USP3: variants seen among roughly 807,000 people sequenced by gnomAD.
USP3 encodes the protein ubiquitin carboxyl-terminal hydrolase 3.
USP3 carries 20 observed loss-of-function variants against 72.3 expected under a neutral mutation model. The observed-to-expected ratio is 0.28, with a 90% CI of 0.19 to 0.40. The LOEUF (loss-of-function observed/expected upper bound fraction) is 0.40. USP3 is among the 10% of genes least tolerant of loss of function. The pLI, the probability that USP3 is intolerant of heterozygous loss-of-function variation, is 1.00. For synonymous variants in USP3, 222 were observed against 225.3 expected (o/e 0.99, Z 0.13); for missense variants, 479 against 633.9 (o/e 0.76, Z 2.62).
At chr15:63,582,938 T>C (rs2066989583) in intron 11 of USP3, among the ~76,000 whole-genome samples, 1 of 152,188 alleles carries the variant, frequency 6.6e-6, no homozygotes, top group African/African-American at 2.4e-5. Flanking sequence ...ATAGATTCTT[T>C]CAGTAATCTC....
At chr15:63,560,300 C>T (rs2066586109) in intron 7 of USP3, among the ~76,000 whole-genome samples, 1 of 151,612 alleles carries the variant, frequency 6.6e-6, no homozygotes, top group Non-Finnish European at 1.5e-5. Context: ...CCTGTAATCC[C>T]AGCTACTCGG....
chr15:63,554,124 A>G lies in USP3; in HGVS notation c.368+326A>G, dbSNP rs766059684. Among the ~76,000 whole-genome samples the G allele has an allele frequency of 2.6e-5, 4 of 152,308 alleles. No individual in the cohort carries two copies. In the East Asian group the frequency reaches 5.8e-4, roughly 22 times the overall value. On this transcript the variant is annotated intron_variant, in intron 4 of 14. Coordinates refer to ENST00000380324, the MANE Select transcript of USP3 (RefSeq NM_006537.4). ...AAAGGGCAGAAAAAGGTGTGAAATC[A>G]TCATAGAGTTACTTTTGATAATAGA...
At position 63,593,202 on chromosome 15, in the gene USP3, T is replaced by C. The variant is rs2067236001; in HGVS notation, c.*2376T>C. On this transcript the variant is annotated 3_prime_UTR_variant, in exon 15 of 15. Transcript: ENST00000380324. The stretch of plus-strand genomic sequence containing the variant: ...TTTACAATGCTAAATTATATTAGGT[T>C]AAACTGTATGAAACCCTGCTATTTG... 1 of 152,246 alleles carries C rather than the reference T, an allele frequency of 6.6e-6. No homozygotes were observed. The highest frequency in any genetic ancestry group is 1.5e-5 in the Non-Finnish European group (1 of 68,042). The allele number at this position is 152,246 out of a possible 1,614,324, so 9.4% of individuals were successfully genotyped here. A position where few individuals can be genotyped will look rare whatever the true frequency, so the allele number is the denominator to read the frequency against.
intron 1 of USP3, among the ~76,000 whole-genome samples, chr15:63,530,276 TC>T (rs2066049243): frequency 7.6e-6 from 1 of 131,818 alleles, no homozygotes; most frequent in African/African-American, 2.8e-5. Context: ...CCTGCCTCCC[TC>T]CCTCCCTCCT....
chr15:63,542,048 G>A (rs2066252699), intron 3 of USP3: 1 of 984,964 alleles, frequency 1.0e-6, no homozygotes, highest in African/African-American at 1.7e-5. Flanking sequence ...ATTCCTCCTT[G>A]TTTCAGATGA....
chr15:63,562,983 G>C lies in USP3; in HGVS notation c.736G>C (p.Val246Leu). 1.9e-6 allele frequency: 3 copies of C among 1,611,294 alleles called. No homozygotes were observed. Among genetic ancestry groups the C allele is most frequent in the Non-Finnish European group, 2.5e-6 (3 of 1,178,924 alleles). ...TAGCCCAGAGTCCTTATTTTATGTT[G>C]TTTGGAAGATTATGCCAAACTTTAG... ...AFSPESLFYV[V>L]WKIMPNFRGY... The change falls in exon 8 of 15, where the codon GTT (valine) becomes CTT (leucine). Residue 246 changes from valine (V) to leucine (L), a missense_variant. Transcript: ENST00000380324.
chr15:63,591,932 G>GAGAC lies in USP3; in HGVS notation c.*1108_*1111dup, dbSNP rs1566924042. 1.3e-5 allele frequency: 2 copies of GAGAC among 152,230 alleles called. No individual in the cohort carries two copies. The highest frequency in any genetic ancestry group is 6.6e-5 in the Admixed American group (1 of 15,262). 9.4% of individuals were successfully genotyped at this position (152,230 alleles called of 1,614,324 possible). A position where few individuals can be genotyped will look rare whatever the true frequency, so the allele number is the denominator to read the frequency against. ...TCGTTTTGTTTTTTGGGGGTTTTTG[G>GAGAC]AGACAAGAGTCTCTCTCTGTTGCCC... On this transcript the variant is annotated 3_prime_UTR_variant, in exon 15 of 15. Coordinates refer to ENST00000380324, the MANE Select transcript of USP3 (RefSeq NM_006537.4).
At chr15:63,567,377 C>T (rs139939693) in intron 8 of USP3, among the ~76,000 whole-genome samples, 16,678 of 137,226 alleles carry the variant, frequency 0.12, 1,024 homozygotes, top group Middle Eastern at 0.19. Flanking sequence ...GACGGAGTCT[C>T]GCTCTGTTGC....
At chr15:63,575,952 G>A (rs183796724) in intron 11 of USP3, among the ~76,000 whole-genome samples, 14 of 150,270 alleles carry the variant, frequency 9.3e-5, no homozygotes, top group Admixed American at 4.6e-4. Context: ...ACTGTTCCTC[G>A]CTATAAATAC....
At chr15:63,518,277 G>C (rs1254416943) in intron 1 of USP3, among the ~76,000 whole-genome samples, 1 of 152,158 alleles carries the variant, frequency 6.6e-6, no homozygotes, top group Admixed American at 6.5e-5. Context: ...CAGGGGGTTC[G>C]ACCTTGCTTG....
intron 7 of USP3, 89 bp from the exon 8 acceptor site, chr15:63,562,806 T>C (rs1300718573): frequency 1.4e-6 from 1 of 730,610 alleles, no homozygotes; most frequent in East Asian, 2.8e-5. Context: ...GTTCATTTCC[T>C]ATATATTAGG....
chr15:63,505,179 C>A (rs1292263723), intron 1 of USP3, among the ~76,000 whole-genome samples: 1 of 151,998 alleles, frequency 6.6e-6, no homozygotes, highest in East Asian at 1.9e-4. Flanking sequence ...GTCCGTGTTG[C>A]GGGGTCGCCT....
At chr15:63,560,795 A>T (rs1450254219) in intron 7 of USP3, among the ~76,000 whole-genome samples, 2 of 152,092 alleles carry the variant, frequency 1.3e-5, no homozygotes, top group Non-Finnish European at 2.9e-5. Flanking sequence ...CATTATGACA[A>T]TTGTAGTGAG....
At chr15:63,584,995 T>C (rs2067031822) in intron 11 of USP3, among the ~76,000 whole-genome samples, 2 of 152,164 alleles carry the variant, frequency 1.3e-5, no homozygotes. Context: ...GCACCATCTT[T>C]TGAAAAGATT....
At chr15:63,542,055 A>G (rs562761829) in intron 3 of USP3, 2 of 985,216 alleles carry the variant, frequency 2.0e-6, no homozygotes, top group East Asian at 2.3e-4. Flanking sequence ...CTTGTTTCAG[A>G]TGAGTGAAGA....
At chr15:63,530,255 TTCCCTCCCTCCCTGCC>T (rs1419864282) in intron 1 of USP3, among the ~76,000 whole-genome samples, 2 of 128,204 alleles carry the variant, frequency 1.6e-5, no homozygotes, top group South Asian at 2.2e-4. Context: ...TCATCCTTCC[TTCCCTCCCTCCCTGCC>T]TCCCTCCCTC....
intron 3 of USP3, chr15:63,551,932 A>G (rs1397813102): frequency 3.3e-5 from 5 of 152,342 alleles, no homozygotes; most frequent in African/African-American, 1.2e-4. Context: ...ACGTAATTTT[A>G]TGACCAAGGC....
At chr15:63,545,580 T>G (rs1013827466) in intron 3 of USP3, among the ~76,000 whole-genome samples, 24 of 148,576 alleles carry the variant, frequency 1.6e-4, no homozygotes, top group Middle Eastern at 3.5e-3. Context: ...AAGTATTTTG[T>G]TTTTTTTTAA....
intron 1 of USP3, among the ~76,000 whole-genome samples, chr15:63,523,019 T>C (rs975291573): frequency 6.6e-6 from 1 of 152,234 alleles, no homozygotes; most frequent in Non-Finnish European, 1.5e-5. Context: ...TCTGTTAAAA[T>C]GTGCTTCTAA....
Sources: gnomAD v4.1 joint callset for allele counts (sites outside exome capture counted in the v4.1 genomes callset) on GRCh38, gnomAD v4.1.1 for gene constraint, MANE v1.5 for transcripts, NCBI Gene and HGNC (gene_info 2026-07-23, HGNC 2026-07-21) for gene names.